Variants in DLGAP2 observed in about 807,000 individuals in gnomAD.
DLGAP2 encodes DLG associated protein 2, also known as disks large-associated protein 2.
DLGAP2 carries 26 observed loss-of-function variants against 100.3 expected under a neutral mutation model. The observed-to-expected ratio is 0.26, with a 90% CI of 0.19 to 0.36. DLGAP2 has a LOEUF of 0.36. Ranked by LOEUF, DLGAP2 falls within the 10% of genes least tolerant of loss-of-function variation. The pLI is 1.00. For synonymous variants in DLGAP2, 886 were observed against 630.1 expected, an observed-to-expected ratio of 1.41 and a Z score of -6.08; for missense variants, 1,858 against 1,453.2, an observed-to-expected ratio of 1.28 and a Z score of -4.53.
In DLGAP2 at chr8:1,422,104, G is replaced by A. The variant is rs147850809; in HGVS notation, c.107-79262G>A. Reference sequence around the variant, plus strand: ...GTTTGTTACTCCATGGAATCTCAGAGCACCTGGACAAGGTGTGTAGGACAG... The same window carrying A: ...GTTTGTTACTCCATGGAATCTCAGAACACCTGGACAAGGTGTGTAGGACAG... On this transcript the variant is annotated intron_variant, in intron 3 of 14. Transcript: ENST00000637795. Among the ~76,000 whole-genome samples the A allele has an allele frequency of 2.6e-3, 396 of 152,324 alleles. 2 individuals are homozygous for A. The highest frequency in any genetic ancestry group is 9.0e-3 in the African/African-American group (374 of 41,574).
intron 3 of DLGAP2, among the ~76,000 whole-genome samples, chr8:1,463,042 A>C (rs1220699596): frequency 6.6e-6 from 1 of 152,146 alleles, no homozygotes; most frequent in Non-Finnish European, 1.5e-5. Context: ...TGAGGTCAGG[A>C]GTTCAAGACC....
intron 1 of DLGAP2, among the ~76,000 whole-genome samples, chr8:831,476 T>C (rs1251987699): frequency 6.6e-6 from 1 of 152,198 alleles, no homozygotes; most frequent in Non-Finnish European, 1.5e-5. Context: ...TTTGGTTTTC[T>C]GTCCTTGTGA....
chr8:1,357,316 G>C (rs933976645), intron 3 of DLGAP2, among the ~76,000 whole-genome samples: 1 of 152,012 alleles, frequency 6.6e-6, no homozygotes, highest in East Asian at 1.9e-4. Flanking sequence ...AGACTGGCTA[G>C]TGGATGGCCA....
chr8:1,511,760 G>A (rs1287270492), intron 4 of DLGAP2, among the ~76,000 whole-genome samples: 1 of 152,094 alleles, frequency 6.6e-6, no homozygotes, highest in Non-Finnish European at 1.5e-5. Flanking sequence ...TTCCATGGAC[G>A]TAAGGTCTGT....
chr8:985,790 G>T (rs946280608), intron 2 of DLGAP2, among the ~76,000 whole-genome samples: 24 of 152,300 alleles, frequency 1.6e-4, no homozygotes, highest in African/African-American at 5.3e-4. Flanking sequence ...TGTTTCCCCA[G>T]ATGTGAGAGT....
chr8:1,609,574 T>C (rs1254532589), intron 6 of DLGAP2, among the ~76,000 whole-genome samples: 5 of 131,620 alleles, frequency 3.8e-5, no homozygotes, highest in Non-Finnish European at 6.7e-5. Flanking sequence ...AATGCTCCAA[T>C]TAAAAGACAC....
At chr8:1,423,021 A>G (rs767103148) in intron 3 of DLGAP2, among the ~76,000 whole-genome samples, 6 of 152,180 alleles carry the variant, frequency 3.9e-5, no homozygotes, top group Middle Eastern at 3.2e-3. Context: ...GCACATCAGG[A>G]TACATGGTGC....
rs146510544 is a variant in DLGAP2 at position 1,299,437 on chromosome 8, G to C, written c.106+40554G>C. On this transcript the variant is annotated intron_variant, in intron 3 of 14. Coordinates refer to ENST00000637795, the MANE Select transcript of DLGAP2 (RefSeq NM_001346810.2). ...TAATGTTTTTCCATAAAATTGTGAT[G>C]ATGTTTAATAATACTCTTTGTGATA... Among the ~76,000 whole-genome samples, 1,050 of 152,348 alleles carry C rather than the reference G, an allele frequency of 6.9e-3. 11 individuals are homozygous for C. Among genetic ancestry groups the C allele is most frequent in the Middle Eastern group, 0.037 (11 of 294 alleles).
At chr8:907,068 T>A (rs992946934) in intron 1 of DLGAP2, among the ~76,000 whole-genome samples, 1 of 152,200 alleles carries the variant, frequency 6.6e-6, no homozygotes, top group Non-Finnish European at 1.5e-5. Context: ...TGAAAGTCGA[T>A]CGAGGGCAAA....
chr8:1,604,562 C>G (rs1490815084), intron 6 of DLGAP2: 1 of 152,280 alleles, frequency 6.6e-6, no homozygotes, highest in Non-Finnish European at 1.5e-5. Context: ...GATCGTGATA[C>G]AGGAATCTAT....
chr8:1,690,943 T>C (rs759580227), intron 12 of DLGAP2, among the ~76,000 whole-genome samples: 3 of 152,066 alleles, frequency 2.0e-5, no homozygotes, highest in Non-Finnish European at 4.4e-5. Flanking sequence ...GGAAGCCACA[T>C]CTTCCTACGT....
intron 2 of DLGAP2, among the ~76,000 whole-genome samples, chr8:1,111,199 T>C (rs1804946120): frequency 6.6e-6 from 1 of 151,990 alleles, no homozygotes; most frequent in Admixed American, 6.6e-5. Context: ...AAAGAAAACA[T>C]GGAGAGAGGT....
chr8:1,342,050 A>G (rs1247499962), intron 3 of DLGAP2, among the ~76,000 whole-genome samples: 2 of 152,048 alleles, frequency 1.3e-5, no homozygotes, highest in Non-Finnish European at 2.9e-5. Context: ...TTCTGGGCTG[A>G]GGTGATTCTC....
intron 2 of DLGAP2, among the ~76,000 whole-genome samples, chr8:921,326 C>T (rs1158640908): frequency 6.6e-6 from 1 of 151,934 alleles, no homozygotes; most frequent in Non-Finnish European, 1.5e-5. Context: ...AGTGTGGATG[C>T]GTGTCTATGG....
intron 6 of DLGAP2, among the ~76,000 whole-genome samples, chr8:1,573,102 G>A (rs1802808279): frequency 2.0e-5 from 2 of 102,534 alleles, no homozygotes; most frequent in Non-Finnish European, 4.0e-5. Flanking sequence ...AGAGGAGAGA[G>A]GGGTGAACTG....
chr8:1,086,720 T>C (rs371504335), intron 2 of DLGAP2, among the ~76,000 whole-genome samples: 21 of 152,238 alleles, frequency 1.4e-4, no homozygotes, highest in African/African-American at 4.8e-4. Context: ...CAATGATAAA[T>C]ATATGTGCGC....
At chr8:1,513,959 T>G (rs573174084) in intron 4 of DLGAP2, among the ~76,000 whole-genome samples, 2 of 152,350 alleles carry the variant, frequency 1.3e-5, no homozygotes, top group Non-Finnish European at 2.9e-5. Context: ...GTGATTGAGA[T>G]GTTGAACTGA....
chr8:1,260,203 G>A (rs997922148), intron 3 of DLGAP2, among the ~76,000 whole-genome samples: 1 of 151,946 alleles, frequency 6.6e-6, no homozygotes. Context: ...CTGTCTGTTG[G>A]GTGTTTGAAA....
chr8:1,598,930 G>T (rs1796540744), intron 6 of DLGAP2, among the ~76,000 whole-genome samples: 1 of 151,930 alleles, frequency 6.6e-6, no homozygotes, highest in East Asian at 1.9e-4. Context: ...GTTTGCTCTT[G>T]CTTCTCTGGT....
Sources: allele counts gnomAD v4.1 joint callset (sites outside exome capture counted in the v4.1 genomes callset), GRCh38; gene constraint gnomAD v4.1.1; transcripts MANE v1.5; gene names NCBI Gene and HGNC (gene_info 2026-07-23, HGNC 2026-07-21).